The following SREBF2 variants were observed in gnomAD, a reference collection of about 807,000 sequenced individuals.
SREBF2 encodes sterol regulatory element-binding protein 2.
Under a neutral mutation model 113.1 loss-of-function variants are expected in SREBF2, and 55 were observed. The ratio of observed to expected loss-of-function variants is 0.49; its 90% CI spans 0.39 to 0.61. SREBF2 has a LOEUF of 0.61. Ranked by LOEUF, SREBF2 falls within the 20% of genes least tolerant of loss-of-function variation. The pLI is 0.00. For missense variants in SREBF2, 1,349 were observed against 1,487.4 expected, an observed-to-expected ratio of 0.91 and a Z score of 1.53; for synonymous variants, 593 against 605.7, an observed-to-expected ratio of 0.98 and a Z score of 0.31.
chr22:41,872,748 A>G (rs1281707783), intron 4 of SREBF2, among the ~76,000 whole-genome samples: 2 of 151,796 alleles, frequency 1.3e-5, no homozygotes, highest in African/African-American at 4.8e-5. Flanking sequence ...AAAATGAGCC[A>G]GGTGTGGTGG....
intron 7 of SREBF2, among the ~76,000 whole-genome samples, chr22:41,876,312 CTG>C (rs1397662693): frequency 1.3e-5 from 2 of 152,182 alleles, no homozygotes; most frequent in African/African-American, 2.4e-5. Context: ...GTTTCTGACT[CTG>C]AAAGCACAAA....
intron 10 of SREBF2, among the ~76,000 whole-genome samples, chr22:41,881,408 G>C (rs776676887): frequency 4.7e-4 from 72 of 152,208 alleles, no homozygotes; most frequent in South Asian, 1.7e-3. Flanking sequence ...ACAGTTCAGC[G>C]TGAGTATGTT....
chr22:41,881,368 A>G (rs1328390898), intron 10 of SREBF2, among the ~76,000 whole-genome samples: 3 of 152,268 alleles, frequency 2.0e-5, no homozygotes, highest in African/African-American at 7.2e-5. Flanking sequence ...AGCTCCTGCT[A>G]TAATAGGCAG....
chr22:41,877,144 A>C (rs1439809761), intron 7 of SREBF2, 85 bp from the exon 8 acceptor site: 1 of 1,360,356 alleles, frequency 7.4e-7, no homozygotes, highest in East Asian at 2.5e-5. Context: ...CCTCATAACC[A>C]TTTCTCAATA....
chr22:41,885,840 C>T (rs1396795919), intron 11 of SREBF2: 2 of 152,492 alleles, frequency 1.3e-5, no homozygotes, highest in East Asian at 3.8e-4. Flanking sequence ...AGAACGTGCC[C>T]TGTAGTGACA....
intron 11 of SREBF2, among the ~76,000 whole-genome samples, chr22:41,888,218 A>C (rs530572408): frequency 6.6e-6 from 1 of 152,156 alleles, no homozygotes; most frequent in Non-Finnish European, 1.5e-5. Context: ...TCCTACCTCA[A>C]AGTCATGAAG....
At chr22:41,836,776 G>A (rs1836217396) in intron 1 of SREBF2, among the ~76,000 whole-genome samples, 1 of 152,194 alleles carries the variant, frequency 6.6e-6, no homozygotes, top group Non-Finnish European at 1.5e-5. Context: ...AGCCGGTCAG[G>A]TGAGGAAGGG....
chr22:41,868,861 G>A (rs2077112684), intron 3 of SREBF2, 69 bp downstream of exon 3: 1 of 1,543,592 alleles, frequency 6.5e-7, no homozygotes. Flanking sequence ...TTGAAGATGT[G>A]GTCTACATAC....
At chr22:41,854,459 G>A (rs1602284126) in intron 1 of SREBF2, among the ~76,000 whole-genome samples, 1 of 151,898 alleles carries the variant, frequency 6.6e-6, no homozygotes, top group East Asian at 1.9e-4. Flanking sequence ...ACCATGCCCG[G>A]CCTGGCTTTT....
chr22:41,877,998 G>A lies in SREBF2; in HGVS notation c.1636G>A (p.Gly546Ser). The A allele has an allele frequency of 1.2e-6, 2 of 1,614,108 alleles. No individual in the cohort carries two copies. Among genetic ancestry groups the A allele is most frequent in the Non-Finnish European group, 1.7e-6 (2 of 1,180,038 alleles). The change falls in exon 9 of 19, where the codon GGT becomes AGT. Residue 546 changes from glycine (G) to serine (S), a missense_variant. Coordinates refer to ENST00000361204, the MANE Select transcript of SREBF2 (RefSeq NM_004599.4). ...TACTCTTCTCTTATGGCTGGTAAAT[G>A]GTGTGATTGTCCTGAGCGTCTTTGT... ...MPTLLLWLVN[G>S]VIVLSVFVKL...
intron 1 of SREBF2, among the ~76,000 whole-genome samples, chr22:41,848,777 A>G (rs989386673): frequency 6.6e-6 from 1 of 152,028 alleles, no homozygotes; most frequent in Admixed American, 6.6e-5. Flanking sequence ...CCCTCTTTGG[A>G]CTTGGACTTT....
chr22:41,892,363 T>C lies in SREBF2; in HGVS notation c.2209-754T>C, dbSNP rs189333353. Among the ~76,000 whole-genome samples the C allele has an allele frequency of 5.0e-4, 76 of 152,262 alleles. 2 individuals are homozygous for C. Among genetic ancestry groups the C allele is most frequent in the Non-Finnish European group, 1.3e-4 (9 of 68,016 alleles). On this transcript the variant is annotated intron_variant, in intron 11 of 18. Coordinates refer to ENST00000361204, the MANE Select transcript of SREBF2 (RefSeq NM_004599.4). Reference sequence around the variant, plus strand: ...TAAAAGATATGTAATTAAAATGACATGATGGGCCAGGCACGGTGGCTCACG... The same window carrying C: ...TAAAAGATATGTAATTAAAATGACACGATGGGCCAGGCACGGTGGCTCACG...
At chr22:41,847,722 A>G (rs977171110) in intron 1 of SREBF2, among the ~76,000 whole-genome samples, 12 of 152,228 alleles carry the variant, frequency 7.9e-5, no homozygotes, top group Admixed American at 4.6e-4. Context: ...AGTGGAGATG[A>G]TAATGGCATC....
intron 10 of SREBF2, among the ~76,000 whole-genome samples, chr22:41,883,315 A>G (rs984262638): frequency 1.1e-4 from 16 of 152,190 alleles, no homozygotes; most frequent in Non-Finnish European, 2.1e-4. Flanking sequence ...AGCTTCAGCC[A>G]AAAGTGGAAC....
intron 3 of SREBF2, 54 bp downstream of exon 3, chr22:41,868,846 C>T: frequency 5.1e-6 from 8 of 1,556,762 alleles, no homozygotes; most frequent in Non-Finnish European, 7.0e-6. Flanking sequence ...TTAACTGGTC[C>T]TTGGTTGAAG....
chr22:41,871,592 A>G (rs924081155), intron 4 of SREBF2, among the ~76,000 whole-genome samples: 1 of 152,212 alleles, frequency 6.6e-6, no homozygotes, highest in Non-Finnish European at 1.5e-5. Flanking sequence ...ATGCCTAGCA[A>G]TTAAAAAACA....
At position 41,901,719 on chromosome 22, in the gene SREBF2, G is replaced by C. The variant is rs571331122; in HGVS notation, c.2907+1221G>C. Among the ~76,000 whole-genome samples, 124 of 152,298 alleles carry C rather than the reference G, an allele frequency of 8.1e-4. 2 individuals are homozygous for C. Among genetic ancestry groups the C allele is most frequent in the African/African-American group, 2.5e-3 (105 of 41,568 alleles). ...TGGGCTGCCAAGACCAAAGGCAGAT[G>C]GTGAGCCACATTTCACCTTCTCTTT... On this transcript the variant is annotated intron_variant, in intron 16 of 18. Transcript: ENST00000361204.
At chr22:41,878,739 C>G (rs1569397982) in intron 9 of SREBF2, 1 of 1,304,206 alleles carries the variant, frequency 7.7e-7, no homozygotes, top group East Asian at 5.5e-5. Flanking sequence ...GAACAAGAAC[C>G]AGAACACTCC....
At chr22:41,869,854 T>C (rs1380470980) in intron 3 of SREBF2, among the ~76,000 whole-genome samples, 1 of 148,790 alleles carries the variant, frequency 6.7e-6, no homozygotes, top group Non-Finnish European at 1.5e-5. Context: ...GACTATATCC[T>C]CTTTTTTCTT....
Sources: allele counts gnomAD v4.1 joint callset (sites outside exome capture counted in the v4.1 genomes callset), GRCh38; gene constraint gnomAD v4.1.1; transcripts MANE v1.5; gene names NCBI Gene and HGNC (gene_info 2026-07-23, HGNC 2026-07-21).